Variants in RAD51B observed in about 807,000 individuals in gnomAD.
RAD51B encodes RAD51 paralog B.
RAD51B carries 38 observed loss-of-function variants against 42.2 expected under a neutral mutation model. The observed-to-expected ratio is 0.90, with a 90% CI of 0.70 to 1.18. The LOEUF (loss-of-function observed/expected upper bound fraction) is 1.18. RAD51B is among the 50% of genes most tolerant of loss of function. RAD51B has a pLI of 0.00. For synonymous variants in RAD51B, 154 were observed against 145.2 expected, an observed-to-expected ratio of 1.06 and a Z score of -0.43; for missense variants, 373 against 400.7, an observed-to-expected ratio of 0.93 and a Z score of 0.59.
intron 7 of RAD51B, among the ~76,000 whole-genome samples, chr14:68,038,107 C>A (rs1038450099): frequency 1.3e-5 from 2 of 152,158 alleles, no homozygotes; most frequent in Non-Finnish European, 2.9e-5. Context: ...TCATAAATGA[C>A]CATTCTGTGG....
chr14:68,167,846 C>G (rs1183210025), intron 7 of RAD51B, among the ~76,000 whole-genome samples: 2 of 152,066 alleles, frequency 1.3e-5, no homozygotes, highest in African/African-American at 4.8e-5. Context: ...GTACAAAGTC[C>G]TCCCATAAAC....
At chr14:68,430,757 G>A (rs1594826290) in intron 9 of RAD51B, among the ~76,000 whole-genome samples, 2 of 151,814 alleles carry the variant, frequency 1.3e-5, no homozygotes, top group African/African-American at 4.8e-5. Context: ...TCTCCTGCCT[G>A]ATTGCCCTGG....
At chr14:68,670,817 T>C (rs1040036975) in intron 11 of RAD51B, among the ~76,000 whole-genome samples, 1 of 152,198 alleles carries the variant, frequency 6.6e-6, no homozygotes, top group Non-Finnish European at 1.5e-5. Context: ...CTCATTTCAG[T>C]ACCAAAGACC....
At chr14:67,901,608 CA>C (rs2043615203) in intron 7 of RAD51B, among the ~76,000 whole-genome samples, 1 of 152,152 alleles carries the variant, frequency 6.6e-6, no homozygotes, top group South Asian at 2.1e-4. Flanking sequence ...ACTGAGACAG[CA>C]TGACGCAGTA....
At chr14:67,975,645 C>T (rs115963883) in intron 7 of RAD51B, among the ~76,000 whole-genome samples, 2,619 of 152,274 alleles carry the variant, frequency 0.017, 77 homozygotes, top group African/African-American at 0.06. Flanking sequence ...AGGAAAGTGA[C>T]GTACAGAAAA....
At chr14:68,287,090 A>T (rs1278800133) in intron 7 of RAD51B, among the ~76,000 whole-genome samples, 1 of 152,140 alleles carries the variant, frequency 6.6e-6, no homozygotes, top group Non-Finnish European at 1.5e-5. Context: ...TTAGCAGTTC[A>T]TCCCATCTTT....
intron 7 of RAD51B, among the ~76,000 whole-genome samples, chr14:68,265,644 C>T (rs776277381): frequency 6.6e-5 from 10 of 151,882 alleles, no homozygotes; most frequent in East Asian, 1.9e-4. Context: ...CCCAGCTGCT[C>T]GGGAGGCTGA....
At chr14:68,193,739 G>A (rs928555098) in intron 7 of RAD51B, among the ~76,000 whole-genome samples, 2 of 152,128 alleles carry the variant, frequency 1.3e-5, no homozygotes, top group African/African-American at 4.8e-5. Flanking sequence ...AGTCTGTTTT[G>A]ACCAAGTCAA....
At chr14:68,307,804 G>T (rs1254073164) in intron 8 of RAD51B, among the ~76,000 whole-genome samples, 1 of 152,210 alleles carries the variant, frequency 6.6e-6, no homozygotes, top group Non-Finnish European at 1.5e-5. Context: ...ATTAATTACT[G>T]TGTTTCTGTA....
At chr14:67,939,219 T>C (rs2045070674) in intron 7 of RAD51B, among the ~76,000 whole-genome samples, 1 of 151,998 alleles carries the variant, frequency 6.6e-6, no homozygotes, top group Non-Finnish European at 1.5e-5. Flanking sequence ...CCTGCCCCCC[T>C]CCATGTGGAA....
chr14:68,582,307 T>G (rs921803472), intron 10 of RAD51B, among the ~76,000 whole-genome samples: 9 of 152,032 alleles, frequency 5.9e-5, no homozygotes, highest in Admixed American at 6.5e-5. Flanking sequence ...TAAACTAATT[T>G]ACAAGAAAAA....
At chr14:67,863,269 A>T (rs976002663) in intron 4 of RAD51B, among the ~76,000 whole-genome samples, 6 of 150,906 alleles carry the variant, frequency 4.0e-5, no homozygotes, top group African/African-American at 1.5e-4. Flanking sequence ...GGCGTGTGCT[A>T]AACATTTGTG....
chr14:68,523,490 G>A (rs1886722384), intron 10 of RAD51B, among the ~76,000 whole-genome samples: 1 of 152,144 alleles, frequency 6.6e-6, no homozygotes, highest in South Asian at 2.1e-4. Flanking sequence ...TTTGAGTTTG[G>A]GTGAGAATCA....
chr14:67,935,389 C>T (rs529745348), intron 7 of RAD51B, among the ~76,000 whole-genome samples: 1 of 152,142 alleles, frequency 6.6e-6, no homozygotes, highest in Admixed American at 6.5e-5. Flanking sequence ...TTTTCAGAGA[C>T]AGTCTTGCTC....
intron 8 of RAD51B, among the ~76,000 whole-genome samples, chr14:68,406,229 T>G (rs1419581544): frequency 6.6e-6 from 1 of 152,176 alleles, no homozygotes; most frequent in East Asian, 1.9e-4. Context: ...ACAATGAAGA[T>G]GGGTTCTGAG....
Position 68,565,078 on chromosome 14 carries a change from G to GA in RAD51B, c.1037-29402dup, listed in dbSNP as rs1165369844. On this transcript the variant is annotated intron_variant, in intron 10 of 10. Transcript: ENST00000487270. The surrounding 1 kb of genome is among the most constrained non-coding windows in gnomAD (Gnocchi z 4.1). ...GCGCATAAAAACACAATAGTGACAG[G>GA]AAAAATACACACACACACATACACA... Among the ~76,000 whole-genome samples the GA allele has an allele frequency of 6.6e-6, 1 of 152,100 alleles. No individual in the cohort carries two copies. The highest frequency in any genetic ancestry group is 2.4e-5 in the African/African-American group (1 of 41,414).
chr14:68,561,976 G>A (rs561914883), intron 10 of RAD51B: 50 of 985,414 alleles, frequency 5.1e-5, no homozygotes, highest in East Asian at 2.3e-4. Context: ...CAATGTACAC[G>A]AGCTATTGTC....
At position 68,438,913 on chromosome 14, in the gene RAD51B, A is replaced by G. The variant is rs575090296; in HGVS notation, c.957+27386A>G. On this transcript the variant is annotated intron_variant, in intron 9 of 10. Transcript: ENST00000471583. ...TGCAGAAATACCAGTACAGGCTTCA[A>G]AGTTTTCTGAAAGACCCACATCTGC... Among the ~76,000 whole-genome samples the G allele has an allele frequency of 8.0e-4, 122 of 152,232 alleles. 2 individuals carry two copies. The South Asian group carries it at 0.023, about 29-fold the overall frequency.
At chr14:67,859,768 C>A (rs2042105777) in intron 4 of RAD51B, among the ~76,000 whole-genome samples, 1 of 152,096 alleles carries the variant, frequency 6.6e-6, no homozygotes, top group Non-Finnish European at 1.5e-5. Flanking sequence ...TAGGGACACA[C>A]TTGTTCATAA....
Sources: gnomAD v4.1 joint callset for allele counts (sites outside exome capture counted in the v4.1 genomes callset) on GRCh38, gnomAD v4.1.1 for gene constraint, Gnocchi (gnomAD v3.1) non-coding constraint, MANE v1.5 for transcripts, NCBI Gene and HGNC (gene_info 2026-07-23, HGNC 2026-07-21) for gene names.